PDZD8: variants seen among roughly 807,000 people sequenced by gnomAD.
PDZD8 encodes the protein PDZ domain-containing protein 8.
PDZD8 carries 14 observed loss-of-function variants against 85.8 expected under a neutral mutation model. That is an observed-to-expected ratio of 0.16 (90% CI 0.11 to 0.26). The LOEUF (loss-of-function observed/expected upper bound fraction) is 0.26. Ranked by LOEUF, PDZD8 falls within the 10% of genes least tolerant of loss-of-function variation. PDZD8 has a pLI of 1.00. For missense variants in PDZD8, 1,197 were observed against 1,424.3 expected (o/e 0.84, Z 2.57); for synonymous variants, 592 against 568.6 (o/e 1.04, Z -0.59).
At chr10:117,306,731 A>G (rs967165380) in intron 3 of PDZD8, among the ~76,000 whole-genome samples, 1 of 152,058 alleles carries the variant, frequency 6.6e-6, no homozygotes, top group African/African-American at 2.4e-5. Flanking sequence ...ACCTTACAGA[A>G]AGGCTCCAAA....
Position 117,374,650 on chromosome 10 carries a change from T to G in PDZD8, c.578A>C (p.Glu193Ala). 1.9e-6 allele frequency: 3 copies of G among 1,584,506 alleles called. No homozygotes were observed. The highest frequency in any genetic ancestry group is 2.6e-6 in the Non-Finnish European group (3 of 1,165,068). ...PAACPEELAFEAEVEYNGGFH... is the reference protein window; with the variant it reads ...PAACPEELAFAAEVEYNGGFH... ...GCCCCCGTTGTACTCCACCTCCGCC[T>G]CGAAGGCCAGCTCCTCGGGGCAGGC... The change falls in exon 1 of 5, where the codon GAG becomes GCG. Residue 193 changes from glutamate to alanine, a missense_variant. This residue lies in a region of PDZD8 where 344 missense variants were observed against 453.6 expected (regional missense o/e 0.76). Coordinates refer to ENST00000334464, the MANE Select transcript of PDZD8 (RefSeq NM_173791.5). The surrounding 1 kb of genome is among the most constrained non-coding windows in gnomAD (Gnocchi z 7.8).
chr10:117,336,696 T>C (rs1165995145), intron 2 of PDZD8, among the ~76,000 whole-genome samples: 1 of 150,018 alleles, frequency 6.7e-6, no homozygotes, highest in African/African-American at 2.5e-5. Flanking sequence ...CTTGAGGGGG[T>C]TCCTACTGGC....
chr10:117,346,244 A>C (rs1192007098), intron 1 of PDZD8, among the ~76,000 whole-genome samples: 1 of 151,450 alleles, frequency 6.6e-6, no homozygotes, highest in Non-Finnish European at 1.5e-5. Context: ...AAAAAAAAAA[A>C]AAAAAAACTA....
chr10:117,285,290 T>C lies in PDZD8; in HGVS notation c.1443A>G (p.Glu481=). The C allele has an allele frequency of 6.2e-7, 1 of 1,614,190 alleles. No individual in the cohort carries two copies. The highest frequency in any genetic ancestry group is 1.3e-5 in the African/African-American group (1 of 75,046). Residue 481 remains glutamate (E), a synonymous_variant, in exon 5 of 5, where the codon GAA becomes GAG. Transcript: ENST00000334464. ...SSSCQSGYEE[E]AAGLTVDTES... ...CAGTATCTACTGTCAACCCGGCAGC[T>C]TCCTCTTCATAACCCGATTGGCATG...
At position 117,375,038 on chromosome 10, in the gene PDZD8, C is replaced by T; in HGVS notation, c.190G>A (p.Gly64Ser). ...GCTCCGGAGGGCTCCTCATCCCGGC[C>T]GCCGCCATAAAGGTACTCCCTTAGG... ...LLLREYLYGG[G>S]RDEEPSGAAP... Residue 64 changes from glycine (G) to serine (S), a missense_variant, in exon 1 of 5, where the codon GGC becomes AGC. Physicochemically the swap from Gly to Ser is moderately conservative, Grantham distance 56. Transcript: ENST00000334464. The T allele has an allele frequency of 6.3e-7, 1 of 1,592,948 alleles. No homozygotes were observed. The highest frequency in any genetic ancestry group is 1.7e-5 in the Admixed American group (1 of 58,216).
intron 2 of PDZD8, among the ~76,000 whole-genome samples, chr10:117,338,372 G>GA (rs1474020341): frequency 6.6e-6 from 1 of 152,150 alleles, no homozygotes; most frequent in Non-Finnish European, 1.5e-5. Flanking sequence ...TTCCCAAGAT[G>GA]AATCTATCAC....
At position 117,308,437 on chromosome 10, in the gene PDZD8, T is replaced by C. The variant is rs74761449; in HGVS notation, c.1098+10435A>G. Among the ~76,000 whole-genome samples the C allele has an allele frequency of 9.3e-3, 1,410 of 152,206 alleles. 25 individuals are homozygous for C. The highest frequency in any genetic ancestry group is 0.032 in the African/African-American group (1,344 of 41,556). ...ATGAGGACACACAAAATATATGCAC[T>C]AAAACCATAGGAACAAAAGAGGTCA... On this transcript the variant is annotated intron_variant, in intron 3 of 4. Coordinates refer to ENST00000334464, the MANE Select transcript of PDZD8 (RefSeq NM_173791.5).
chr10:117,340,134 G>A (rs1245608882), intron 2 of PDZD8, among the ~76,000 whole-genome samples: 1 of 152,158 alleles, frequency 6.6e-6, no homozygotes, highest in Non-Finnish European at 1.5e-5. Context: ...TTCTGAGATC[G>A]CTTCCAGTTC....
At chr10:117,363,671 C>T (rs1331038657) in intron 1 of PDZD8, among the ~76,000 whole-genome samples, 3 of 152,036 alleles carry the variant, frequency 2.0e-5, no homozygotes, top group East Asian at 1.9e-4. Flanking sequence ...GCTATTCAAG[C>T]GTTTTTGTTT....
chr10:117,313,758 T>C (rs1243115040), intron 3 of PDZD8, among the ~76,000 whole-genome samples: 6 of 59,684 alleles, frequency 1.0e-4, no homozygotes, highest in African/African-American at 2.6e-4. Context: ...TGATTACTTT[T>C]CCTTTACACT....
intron 3 of PDZD8, among the ~76,000 whole-genome samples, chr10:117,293,240 T>C (rs1419379624): frequency 6.6e-6 from 1 of 152,020 alleles, no homozygotes; most frequent in Non-Finnish European, 1.5e-5. Flanking sequence ...AGTACAATGA[T>C]ATATAATATA....
rs769819285 is a variant in PDZD8, at chr10:117,319,017, T to C, written c.996-43A>G. On this transcript the variant is annotated intron_variant, in intron 2 of 4. Coordinates refer to ENST00000334464, the MANE Select transcript of PDZD8 (RefSeq NM_173791.5). ...ACAAGGGAGAGTATCATACCTGTTA[T>C]ATTCATTAAAATTTTTCTTTCTGAT... 7 of 1,321,400 alleles carry C rather than the reference T, an allele frequency of 5.3e-6. No homozygotes were observed. The East Asian group carries it at 1.6e-4, about 31-fold the overall frequency. The allele number at this position is 1,321,400 out of a possible 1,614,324, so 81.9% of individuals were successfully genotyped here. A position where few individuals can be genotyped will look rare whatever the true frequency, so the allele number is the denominator to read the frequency against.
chr10:117,327,723 T>C (rs577018929), intron 2 of PDZD8, among the ~76,000 whole-genome samples: 30 of 152,344 alleles, frequency 2.0e-4, no homozygotes, highest in Non-Finnish European at 2.9e-4. Flanking sequence ...AGGGTACACA[T>C]TGCTTCACAT....
chr10:117,322,838 T>C (rs915476524), intron 2 of PDZD8, among the ~76,000 whole-genome samples: 1 of 152,110 alleles, frequency 6.6e-6, no homozygotes, highest in Non-Finnish European at 1.5e-5. Context: ...TCAGTTAACA[T>C]AAAGTTGTCC....
chr10:117,373,932 T>C (rs1351287112), intron 1 of PDZD8, among the ~76,000 whole-genome samples: 1 of 152,210 alleles, frequency 6.6e-6, no homozygotes, highest in Non-Finnish European at 1.5e-5. Context: ...GCGTGTACTG[T>C]GTCCAGGAAC....
chr10:117,305,496 ACACACACACACAC>A, intron 3 of PDZD8, among the ~76,000 whole-genome samples: 1 of 151,204 alleles, frequency 6.6e-6, no homozygotes, highest in Non-Finnish European at 1.5e-5. Flanking sequence ...ACACACACAC[ACACACACACACAC>A]ACACACATAT....
intron 2 of PDZD8, 83 bp downstream of exon 2, chr10:117,340,897 A>G: frequency 6.9e-7 from 1 of 1,448,898 alleles, no homozygotes; most frequent in Non-Finnish European, 9.4e-7. Flanking sequence ...ATTTAAATGA[A>G]CACACAACAC....
chr10:117,305,673 C>T (rs552133390), intron 3 of PDZD8, among the ~76,000 whole-genome samples: 12 of 152,118 alleles, frequency 7.9e-5, no homozygotes, highest in South Asian at 2.1e-4. Context: ...GTCGGTGATA[C>T]GAAGTTTCAG....
chr10:117,306,980 T>A (rs1843954368), intron 3 of PDZD8, among the ~76,000 whole-genome samples: 1 of 152,160 alleles, frequency 6.6e-6, no homozygotes, highest in African/African-American at 2.4e-5. Context: ...TTATCTAATC[T>A]ACAGACCTTA....
Sources: allele counts gnomAD v4.1 joint callset (sites outside exome capture counted in the v4.1 genomes callset), GRCh38; gene constraint gnomAD v4.1.1; regional missense constraint gnomAD v4.1.1; non-coding constraint Gnocchi (gnomAD v3.1); transcripts MANE v1.5; gene names NCBI Gene and HGNC (gene_info 2026-07-23, HGNC 2026-07-21).